Variants in COL4A6 observed in about 807,000 individuals in gnomAD.
COL4A6 encodes the protein collagen alpha-6(IV) chain.
Under a neutral mutation model 126.7 loss-of-function variants are expected in COL4A6, and 59 were observed. The ratio of observed to expected loss-of-function variants is 0.47; its 90% CI spans 0.38 to 0.58. The LOEUF (loss-of-function observed/expected upper bound fraction) is 0.58. COL4A6 is among the 20% of genes least tolerant of loss of function. COL4A6 has a pLI of 0.00. For missense variants in COL4A6, 1,285 were observed against 1,337.3 expected (o/e 0.96, Z 0.61); for synonymous variants, 547 against 496.6 (o/e 1.10, Z -1.35).
chrX:108,228,489 T>C (rs767950528), intron 3 of COL4A6, among the ~76,000 whole-genome samples: 126 of 112,144 alleles, frequency 1.1e-3, no homozygotes, highest in African/African-American at 4.0e-3. Context: ...TTTAAGCTTG[T>C]TGGGGGAGAT....
intron 2 of COL4A6, among the ~76,000 whole-genome samples, chrX:108,422,874 C>A: frequency 9.0e-6 from 1 of 111,587 alleles, no homozygotes; most frequent in Non-Finnish European, 1.9e-5. Flanking sequence ...GCCTTCCATT[C>A]TTCCAGTAGT....
intron 14 of COL4A6, 93 bp downstream of exon 14, chrX:108,196,418 G>A (rs2035216250): frequency 1.3e-6 from 1 of 780,560 alleles, no homozygotes; most frequent in South Asian, 2.4e-5. Flanking sequence ...AGCTTAGGTG[G>A]CAATCAAGTT....
chrX:108,407,382 T>C (rs1212461038), intron 2 of COL4A6, among the ~76,000 whole-genome samples: 1 of 112,254 alleles, frequency 8.9e-6, no homozygotes, highest in Non-Finnish European at 1.9e-5. Flanking sequence ...AAATTTACAG[T>C]AATGTTGGAG....
At chrX:108,381,437 C>T (rs1446484904) in intron 2 of COL4A6, among the ~76,000 whole-genome samples, 1 of 112,054 alleles carries the variant, frequency 8.9e-6, no homozygotes, top group Admixed American at 9.5e-5. Context: ...TTGATGTCTA[C>T]ATGTTGAAAA....
At chrX:108,292,243 TCTC>T (rs2038180904) in intron 3 of COL4A6, among the ~76,000 whole-genome samples, 1 of 112,213 alleles carries the variant, frequency 8.9e-6, no homozygotes, top group African/African-American at 3.2e-5. Flanking sequence ...ACCACCATTG[TCTC>T]CTCCTTCCAC....
intron 11 of COL4A6, 54 bp from the exon 12 acceptor site, chrX:108,204,466 C>T (rs1189385864): frequency 1.9e-6 from 2 of 1,042,191 alleles, no homozygotes; most frequent in Non-Finnish European, 2.7e-6. Context: ...GACCGTTTTT[C>T]CAGAGTGGGG....
intron 3 of COL4A6, among the ~76,000 whole-genome samples, chrX:108,308,217 T>A (rs2038674089): frequency 2.7e-5 from 3 of 111,670 alleles, no homozygotes. Flanking sequence ...ATGAAATAAA[T>A]CTACTGCCCT....
intron 2 of COL4A6, among the ~76,000 whole-genome samples, chrX:108,323,056 C>T (rs2039067867): frequency 8.9e-6 from 1 of 111,859 alleles, no homozygotes; most frequent in Non-Finnish European, 1.9e-5. Context: ...AATTCTTCCC[C>T]TTAATTTTTC....
intron 2 of COL4A6, among the ~76,000 whole-genome samples, chrX:108,390,383 G>A (rs1372431841): frequency 1.8e-5 from 2 of 109,916 alleles, no homozygotes; most frequent in African/African-American, 6.6e-5. Flanking sequence ...ACATAGATTT[G>A]GTCTTTTCAC....
chrX:108,157,941 G>A (rs1244232094), intron 44 of COL4A6, among the ~76,000 whole-genome samples: 1 of 111,897 alleles, frequency 8.9e-6, no homozygotes, highest in African/African-American at 3.3e-5. Context: ...AGGAGATAGG[G>A]AAGAGGCCTA....
At chrX:108,204,572 G>C in intron 11 of COL4A6, 160 bp from the exon 12 acceptor site, 1 of 551,314 alleles carries the variant, frequency 1.8e-6, no homozygotes, top group South Asian at 2.3e-5. Context: ...ACTGCCAAAG[G>C]GTGAGAAGAA....
chrX:108,400,812 TGC>T (rs2041071874), intron 2 of COL4A6, among the ~76,000 whole-genome samples: 3 of 111,895 alleles, frequency 2.7e-5, no homozygotes, highest in African/African-American at 9.7e-5. Context: ...TGTAAATATT[TGC>T]CCAAATGTGG....
intron 2 of COL4A6, among the ~76,000 whole-genome samples, chrX:108,352,140 T>G (rs2148037242): frequency 8.9e-6 from 1 of 112,781 alleles, no homozygotes; most frequent in South Asian, 3.6e-4. Context: ...GCGGCTGTTG[T>G]GAAGTGCGTG....
chrX:108,301,130 AG>A (rs2038477300), intron 3 of COL4A6, among the ~76,000 whole-genome samples: 1 of 112,367 alleles, frequency 8.9e-6, no homozygotes, highest in Non-Finnish European at 1.9e-5. Context: ...GTCTTCTCAA[AG>A]TAGACACCAA....
intron 27 of COL4A6, 94 bp from the exon 28 acceptor site, chrX:108,177,105 G>T: frequency 1.2e-6 from 1 of 862,469 alleles, no homozygotes; most frequent in Non-Finnish European, 1.6e-6. Flanking sequence ...TGATTGGTTT[G>T]GCTTGTTAGG....
At chrX:108,287,272 G>T (rs191979453) in intron 3 of COL4A6, among the ~76,000 whole-genome samples, 11 of 112,005 alleles carry the variant, frequency 9.8e-5, no homozygotes, top group African/African-American at 3.6e-4. Flanking sequence ...AGTTTTGGTT[G>T]GTTGACTTTT....
intron 2 of COL4A6, among the ~76,000 whole-genome samples, chrX:108,396,100 AAAT>A (rs2040957773): frequency 1.8e-5 from 2 of 111,777 alleles, no homozygotes; most frequent in Non-Finnish European, 1.9e-5. Context: ...TAGTAAATAA[AAAT>A]AAGTTATTAA....
chrX:108,288,083 T>C (rs1021336100), intron 3 of COL4A6, among the ~76,000 whole-genome samples: 1 of 112,423 alleles, frequency 8.9e-6, no homozygotes, highest in African/African-American at 3.2e-5. Flanking sequence ...AACTTTTATA[T>C]CAGAGAGAAA....
At chrX:108,305,662 A>G (rs1472911261) in intron 3 of COL4A6, among the ~76,000 whole-genome samples, 1 of 111,744 alleles carries the variant, frequency 8.9e-6, no homozygotes, top group African/African-American at 3.3e-5. Context: ...AGAGAAGTGT[A>G]TGTATTCAAG....
Sources: allele counts gnomAD v4.1 joint callset (sites outside exome capture counted in the v4.1 genomes callset), GRCh38; gene constraint gnomAD v4.1.1; transcripts MANE v1.5; gene names NCBI Gene and HGNC (gene_info 2026-07-23, HGNC 2026-07-21).